The following FBRSL1 variants were observed in gnomAD, a reference collection of about 807,000 sequenced individuals.
FBRSL1 encodes the protein fibrosin-1-like protein.
Under a neutral mutation model 89.6 loss-of-function variants are expected in FBRSL1, and 51 were observed. The ratio of observed to expected loss-of-function variants is 0.57; its 90% CI spans 0.45 to 0.72. The LOEUF (loss-of-function observed/expected upper bound fraction) is 0.72, where lower values mean the gene tolerates loss of function less well. Among genes scored for constraint, FBRSL1 ranks in the 30% least tolerant of loss-of-function variants. FBRSL1 has a pLI of 0.00. For synonymous variants in FBRSL1, 779 were observed against 681.1 expected, an observed-to-expected ratio of 1.14 and a Z score of -2.24; for missense variants, 1,618 against 1,451.8, an observed-to-expected ratio of 1.11 and a Z score of -1.86.
intron 4 of FBRSL1, among the ~76,000 whole-genome samples, chr12:132,540,725 A>C (rs1203886185): frequency 2.0e-5 from 3 of 152,048 alleles, no homozygotes. Flanking sequence ...CTCCAGGGCA[A>C]GCCCACTGCT....
At chr12:132,580,072 A>G (rs1394654119) in intron 15 of FBRSL1, among the ~76,000 whole-genome samples, 2 of 151,804 alleles carry the variant, frequency 1.3e-5, no homozygotes, top group Admixed American at 6.6e-5. Flanking sequence ...AAGTTTGTCC[A>G]TTTCACCAGT....
chr12:132,555,128 C>T (rs192260681), intron 5 of FBRSL1, among the ~76,000 whole-genome samples: 9 of 152,236 alleles, frequency 5.9e-5, no homozygotes, highest in South Asian at 2.1e-4. Context: ...CTGCCAAGGA[C>T]GGCTGTGGGG....
At chr12:132,580,753 A>G (rs2040689228) in intron 15 of FBRSL1, 1 of 985,122 alleles carries the variant, frequency 1.0e-6, no homozygotes, top group African/African-American at 1.7e-5. Flanking sequence ...GCTGGGAGGG[A>G]GTCGGAGTAA....
At chr12:132,538,662 T>C (rs1400685027) in intron 4 of FBRSL1, among the ~76,000 whole-genome samples, 1 of 152,218 alleles carries the variant, frequency 6.6e-6, no homozygotes, top group Non-Finnish European at 1.5e-5. Flanking sequence ...CTGGCGTGTC[T>C]GCTCCAGAGC....
chr12:132,532,499 GC>G (rs2036374561), intron 4 of FBRSL1, among the ~76,000 whole-genome samples: 1 of 152,132 alleles, frequency 6.6e-6, no homozygotes. Context: ...GCCCCCCCAG[GC>G]CCTTCCTGTC....
At chr12:132,567,410 G>A in intron 5 of FBRSL1, 71 bp from the exon 6 acceptor site, 1 of 1,466,696 alleles carries the variant, frequency 6.8e-7, no homozygotes, top group Non-Finnish European at 9.3e-7. Context: ...CTTGTGTGTG[G>A]GCATTGGGCG....
chr12:132,583,656 GCCGGGCCCCCCACGCCCC>G lies in FBRSL1; in HGVS notation c.2895_2912del (p.Thr967_Pro972del), dbSNP rs992779600. The G allele has an allele frequency of 2.3e-5, 24 of 1,051,620 alleles. No homozygotes were observed. The African/African-American group carries it at 3.3e-4, about 14-fold the overall frequency. The allele number at this position is 1,051,620 out of a possible 1,614,324, so 65.1% of individuals were successfully genotyped here. A position where few individuals can be genotyped will look rare whatever the true frequency, so the allele number is the denominator to read the frequency against. On this transcript the variant is annotated inframe_deletion, in exon 19 of 19. Transcript: ENST00000680143. ...CGCACCGCCCCCCCTGGTGACGGCG[GCCGGGCCCCCCACGCCCC>G]CCGGGCCGCCGCGGAGCCGGACTAC...
chr12:132,495,883 C>T (rs1053317331), intron 1 of FBRSL1, among the ~76,000 whole-genome samples: 7 of 152,230 alleles, frequency 4.6e-5, no homozygotes, highest in African/African-American at 1.7e-4. Context: ...TGCTTTGGCT[C>T]TGGGAAGGGT....
Position 132,570,499 on chromosome 12 carries a change from C to T in FBRSL1, c.1172C>T (p.Ala391Val), listed in dbSNP as rs894331393. Residue 391 changes from alanine (A) to valine (V), a missense_variant, in exon 8 of 19, where the codon GCG (alanine) becomes GTG (valine). Transcript: ENST00000680143. The part of the protein sequence containing the change: ...AAPPTLPPPP[A>V]LPASSLVLPG... Reference sequence around the variant, plus strand: ...CCCCCGACACTGCCCCCGCCCCCGGCGCTGCCGGCCAGCAGCCTGGTCCTC... The same window carrying T: ...CCCCCGACACTGCCCCCGCCCCCGGTGCTGCCGGCCAGCAGCCTGGTCCTC... The T allele has an allele frequency of 4.0e-5, 61 of 1,527,086 alleles. No individual in the cohort carries two copies. Among genetic ancestry groups the T allele is most frequent in the East Asian group, 2.0e-4 (8 of 40,392 alleles). 94.6% of individuals were successfully genotyped at this position (1,527,086 alleles called of 1,614,324 possible).
intron 5 of FBRSL1, among the ~76,000 whole-genome samples, chr12:132,562,730 C>T (rs1473416747): frequency 2.0e-5 from 3 of 152,114 alleles, no homozygotes; most frequent in Non-Finnish European, 4.4e-5. Flanking sequence ...TGCAGGGGCC[C>T]TTCCGGCGCG....
At chr12:132,509,528 C>T in intron 2 of FBRSL1, 5 of 1,234,956 alleles carry the variant, frequency 4.0e-6, no homozygotes, top group Middle Eastern at 3.1e-4. Flanking sequence ...CACTCCCAGG[C>T]CCCAGGCAGT....
At chr12:132,556,964 G>A (rs114298354) in intron 5 of FBRSL1, among the ~76,000 whole-genome samples, 87 of 152,324 alleles carry the variant, frequency 5.7e-4, no homozygotes, top group African/African-American at 2.0e-3. Flanking sequence ...AAGCAGTCTT[G>A]TGGTCTCCTG....
chr12:132,573,104 G>A (rs2040152337), intron 11 of FBRSL1, among the ~76,000 whole-genome samples: 1 of 152,198 alleles, frequency 6.6e-6, no homozygotes, highest in African/African-American at 2.4e-5. Context: ...TCTCAGCCAG[G>A]GGAGAGGGAA....
intron 4 of FBRSL1, among the ~76,000 whole-genome samples, chr12:132,533,623 C>T (rs527242626): frequency 6.6e-6 from 1 of 152,372 alleles, no homozygotes; most frequent in South Asian, 2.1e-4. Context: ...CCCATTTGTC[C>T]ATCTGCACCC....
intron 5 of FBRSL1, chr12:132,553,354 T>C (rs2038353463): frequency 6.6e-6 from 1 of 152,206 alleles, no homozygotes; most frequent in Admixed American, 6.5e-5. Flanking sequence ...CAGAAGGGCC[T>C]TGAGAGGGCT....
At chr12:132,562,789 A>G (rs1230905969) in intron 5 of FBRSL1, among the ~76,000 whole-genome samples, 1 of 151,794 alleles carries the variant, frequency 6.6e-6, no homozygotes, top group Non-Finnish European at 1.5e-5. Flanking sequence ...ACAGGCATGG[A>G]CCTGCTGCTC....
chr12:132,560,857 G>T (rs1566204024), intron 5 of FBRSL1, among the ~76,000 whole-genome samples: 2 of 152,244 alleles, frequency 1.3e-5, no homozygotes, highest in African/African-American at 4.8e-5. Flanking sequence ...CTCGTGCCTG[G>T]GTCACGTCCC....
At chr12:132,549,828 A>C (rs1193324242) in intron 5 of FBRSL1, among the ~76,000 whole-genome samples, 2 of 152,034 alleles carry the variant, frequency 1.3e-5, no homozygotes, top group African/African-American at 2.4e-5. Flanking sequence ...GTGCCTGCAG[A>C]GATGCGGCCC....
chr12:132,542,657 A>G lies in FBRSL1; in HGVS notation c.616-5346A>G, dbSNP rs150328379. On this transcript the variant is annotated intron_variant, in intron 4 of 18. Coordinates refer to ENST00000680143, the MANE Select transcript of FBRSL1 (RefSeq NM_001367871.1). ...GCAGTGTTTCCAGCACCCTTCCCCA[A>G]TGCTGGGCCTAGACCCTCCGCAGGA... is the stretch of plus-strand genomic sequence containing the variant. 1.1e-4 allele frequency among the ~76,000 whole-genome samples: 16 copies of G among 152,202 alleles called. No individual in the cohort carries two copies. In the South Asian group the frequency reaches 1.5e-3, roughly 14 times the overall value.
Sources: gnomAD v4.1 joint callset for allele counts (sites outside exome capture counted in the v4.1 genomes callset) on GRCh38, gnomAD v4.1.1 for gene constraint, MANE v1.5 for transcripts, NCBI Gene and HGNC (gene_info 2026-07-23, HGNC 2026-07-21) for gene names.